CRIPT: variants seen among roughly 807,000 people sequenced by gnomAD.
The protein encoded by CRIPT is cysteine-rich PDZ-binding protein.
In CRIPT, 20 loss-of-function variants were observed where a neutral mutation model predicts 16.6. The observed-to-expected ratio is 1.20, with a 90% CI of 0.85 to 1.75. CRIPT has a LOEUF of 1.75. CRIPT is among the 40% of genes most tolerant of loss of function. The pLI is 0.00. For synonymous variants in CRIPT, 42 were observed against 37.0 expected (o/e 1.14, Z -0.49); for missense variants, 133 against 115.3 (o/e 1.15, Z -0.70).
At position 46,629,499 on chromosome 2, in the gene CRIPT, C is replaced by G. The variant is rs1204365844; in HGVS notation, c.*5272C>G. The stretch of plus-strand genomic sequence containing the variant: ...GATCATATGTTGTATTGCCATAACC[C>G]TCTAATCTGGAGCAGTTCCTCAGCT... On this transcript the variant is annotated 3_prime_UTR_variant, in exon 5 of 5. Coordinates refer to ENST00000238892, the MANE Select transcript of CRIPT (RefSeq NM_014171.6). 6.6e-6 allele frequency among the ~76,000 whole-genome samples: 1 copy of G among 152,154 alleles called. No homozygotes were observed. Among genetic ancestry groups the G allele is most frequent in the Non-Finnish European group, 1.5e-5 (1 of 68,034 alleles).
chr2:46,621,688 A>G (rs1183628981), intron 3 of CRIPT, among the ~76,000 whole-genome samples: 2 of 152,206 alleles, frequency 1.3e-5, no homozygotes, highest in Non-Finnish European at 2.9e-5. Flanking sequence ...CACTCAGTAT[A>G]TATTTGCTGA....
chr2:46,627,725 A>G lies in CRIPT; in HGVS notation c.*3498A>G, dbSNP rs1161051899. Among the ~76,000 whole-genome samples, 1 of 151,988 alleles carries G rather than the reference A, an allele frequency of 6.6e-6. No homozygotes were observed. The highest frequency in any genetic ancestry group is 1.5e-5 in the Non-Finnish European group (1 of 67,964). Reference sequence around the variant, plus strand: ...CTCCCAAAGTGCTGGGATTACAGGCATGAGCCACTGCACCCGGCCCCTTAT... The same window carrying G: ...CTCCCAAAGTGCTGGGATTACAGGCGTGAGCCACTGCACCCGGCCCCTTAT... On this transcript the variant is annotated 3_prime_UTR_variant, in exon 5 of 5. Transcript: ENST00000238892.
At position 46,623,831 on chromosome 2, in the gene CRIPT, G is replaced by C. The variant is rs1203638680; in HGVS notation, c.205G>C (p.Gly69Arg). 6.2e-7 allele frequency: 1 copy of C among 1,610,256 alleles called. No homozygotes were observed. The highest frequency in any genetic ancestry group is 8.5e-7 in the Non-Finnish European group (1 of 1,177,872). Residue 69 changes from glycine (G) to arginine (R), a missense_variant, in exon 4 of 5, where the codon GGT becomes CGT. Transcript: ENST00000238892. ...RICKSSVHQP[G>R]SHYCQGCAYK... is the part of the protein sequence containing the mutation. ...TTGTAAAAGTTCTGTGCACCAACCA[G>C]GTTCTCATTACTGCCAGGGCTGTGC...
Position 46,625,995 on chromosome 2 carries a change from T to C in CRIPT, c.*1768T>C, listed in dbSNP as rs1382773446. ...TAGGGGTACATGTGCAGGTGAGTTA[T>C]ATGGGTATATTTTGTGATGCTGAGG... On this transcript the variant is annotated 3_prime_UTR_variant, in exon 5 of 5. Coordinates refer to ENST00000238892, the MANE Select transcript of CRIPT (RefSeq NM_014171.6). Among the ~76,000 whole-genome samples the C allele has an allele frequency of 2.6e-5, 4 of 152,178 alleles. No homozygotes were observed. The highest frequency in any genetic ancestry group is 9.7e-5 in the African/African-American group (4 of 41,424).
At chr2:46,617,661 G>A (rs1358677298) in intron 1 of CRIPT, among the ~76,000 whole-genome samples, 2 of 152,068 alleles carry the variant, frequency 1.3e-5, no homozygotes, top group Admixed American at 1.3e-4. Context: ...TTGTTCTCCT[G>A]CCAAATGCTA....
Position 46,623,887 on chromosome 2 carries a change from G to T in CRIPT, c.241+20G>T, listed in dbSNP as rs80325258. The stretch of plus-strand genomic sequence containing the variant: ...AAAAAGGTAAGTTTCTTTTAATACC[G>T]TTTTCTATTCATAAAACCGACTTCA... On this transcript the variant is annotated intron_variant, in intron 4 of 4. Transcript: ENST00000238892. 4.0e-6 allele frequency: 6 copies of T among 1,512,876 alleles called. No homozygotes were observed. The highest frequency in any genetic ancestry group is 5.4e-6 in the Non-Finnish European group (6 of 1,102,146). 93.7% of individuals were successfully genotyped at this position (1,512,876 alleles called of 1,614,324 possible).
rs999444806 is a variant in CRIPT at position 46,629,300 on chromosome 2, T to C, written c.*5073T>C. On this transcript the variant is annotated 3_prime_UTR_variant, in exon 5 of 5. Transcript: ENST00000238892. The stretch of plus-strand genomic sequence containing the variant: ...ATTAGAAAGTATATTGTAGACATCA[T>C]ACTCTTTACCCTTTAACACTACACA... Among the ~76,000 whole-genome samples the C allele has an allele frequency of 4.6e-5, 7 of 152,192 alleles. No homozygotes were observed. The highest frequency in any genetic ancestry group is 1.7e-4 in the African/African-American group (7 of 41,454).
Position 46,626,981 on chromosome 2 carries a change from TGCCACCAA to T in CRIPT, c.*2757_*2764del, listed in dbSNP as rs1490719844. Among the ~76,000 whole-genome samples the T allele has an allele frequency of 6.6e-6, 1 of 152,006 alleles. No individual in the cohort carries two copies. Among genetic ancestry groups the T allele is most frequent in the Non-Finnish European group, 1.5e-5 (1 of 67,998 alleles). ...CTGAGTTGCTGGGATTACAGGTGCC[TGCCACCAA>T]GCGTGGCTAATTTTGGTACTTTTAG... is the stretch of plus-strand genomic sequence containing the variant. On this transcript the variant is annotated 3_prime_UTR_variant, in exon 5 of 5. Coordinates refer to ENST00000238892, the MANE Select transcript of CRIPT (RefSeq NM_014171.6).
chr2:46,617,228 T>G lies in CRIPT; in HGVS notation c.-55T>G, dbSNP rs1670678368. On this transcript the variant is annotated 5_prime_UTR_variant, in exon 1 of 5. Coordinates refer to ENST00000238892, the MANE Select transcript of CRIPT (RefSeq NM_014171.6). Reference sequence around the variant, plus strand: ...TACTTCCAAGTTGTAGTGTTGTTGTTTTCAGCCTGCTGCTGCTGCTGCTGT... The same window carrying G: ...TACTTCCAAGTTGTAGTGTTGTTGTGTTCAGCCTGCTGCTGCTGCTGCTGT... 7 of 1,551,408 alleles carry G rather than the reference T, an allele frequency of 4.5e-6. No homozygotes were observed. Among genetic ancestry groups the G allele is most frequent in the Admixed American group, 2.0e-5 (1 of 50,990 alleles).
At position 46,623,432 on chromosome 2, in the gene CRIPT, G is replaced by A. The variant is rs17819022; in HGVS notation, c.138-332G>A. Among the ~76,000 whole-genome samples, 36,102 of 152,084 alleles carry A rather than the reference G, an allele frequency of 0.24. 5,248 individuals are homozygous for A. Among genetic ancestry groups the A allele is most frequent in the Admixed American group, 0.33 (4,992 of 15,276 alleles). Reference sequence around the variant, plus strand: ...CTAAAATAGTCACTTAGGTTATATGGAATCAGTCACTCTTTTTGCACCCAC... The same window carrying A: ...CTAAAATAGTCACTTAGGTTATATGAAATCAGTCACTCTTTTTGCACCCAC... On this transcript the variant is annotated intron_variant, in intron 3 of 4. Coordinates refer to ENST00000238892, the MANE Select transcript of CRIPT (RefSeq NM_014171.6).
chr2:46,624,089 T>A, intron 4 of CRIPT, 74 bp from the exon 5 acceptor site: 1 of 922,258 alleles, frequency 1.1e-6, no homozygotes, highest in East Asian at 2.9e-5. Context: ...AATTATGTTT[T>A]AAGCTTCAGG....
chr2:46,618,152 G>T (rs1670712023), intron 1 of CRIPT, among the ~76,000 whole-genome samples: 1 of 151,134 alleles, frequency 6.6e-6, no homozygotes, highest in African/African-American at 2.4e-5. Context: ...ATTTCTTCCT[G>T]CATGGAATTT....
Position 46,627,635 on chromosome 2 carries a change from G to C in CRIPT, c.*3408G>C, listed in dbSNP as rs986446796. ...AATTTTTCTATTTTTAGTAGGAATG[G>C]GGTTTTACCATGTTGGCCAGGCTGG... On this transcript the variant is annotated 3_prime_UTR_variant, in exon 5 of 5. Transcript: ENST00000238892. Among the ~76,000 whole-genome samples the C allele has an allele frequency of 6.6e-6, 1 of 151,928 alleles. No homozygotes were observed.
rs117085106 is a variant in CRIPT, at chr2:46,628,132, C to G, written c.*3905C>G. Among the ~76,000 whole-genome samples, 1 of 138,222 alleles carries G rather than the reference C, an allele frequency of 7.2e-6. No individual in the cohort carries two copies. The allele number at this position is 138,222 out of a possible 152,430, so 90.7% of individuals were successfully genotyped here. A position where few individuals can be genotyped will look rare whatever the true frequency, so the allele number is the denominator to read the frequency against. On this transcript the variant is annotated 3_prime_UTR_variant, in exon 5 of 5. Coordinates refer to ENST00000238892, the MANE Select transcript of CRIPT (RefSeq NM_014171.6). Reference sequence around the variant, plus strand: ...TTTTTCTTTTTTTTTTTTTTTGAGACGGAGTCTTGCTGTGTCTCCCAGGCT... The same window carrying G: ...TTTTTCTTTTTTTTTTTTTTTGAGAGGGAGTCTTGCTGTGTCTCCCAGGCT...
intron 1 of CRIPT, 111 bp downstream of exon 1, chr2:46,617,409 C>T: frequency 8.2e-7 from 1 of 1,224,000 alleles, no homozygotes; most frequent in Non-Finnish European, 1.1e-6. Flanking sequence ...GTCTCAGATT[C>T]TATCCGCTGT....
In CRIPT at chr2:46,618,798, C is replaced by T. The variant is rs149286673; in HGVS notation, c.42C>T (p.Ile14=). ...GTGAAAAGAAACTTGGTACTGTTATCACTCCAGATACATGGAAAGATGGTG... is the reference window on the plus strand; with the variant it reads ...GTGAAAAGAAACTTGGTACTGTTATTACTCCAGATACATGGAAAGATGGTG... ...EKCEKKLGTV[I]TPDTWKDGAR... Residue 14 remains isoleucine, a synonymous_variant, in exon 2 of 5, where the codon ATC becomes ATT. Transcript: ENST00000238892. 1.9e-6 allele frequency: 3 copies of T among 1,606,574 alleles called. No individual in the cohort carries two copies. The highest frequency in any genetic ancestry group is 2.7e-5 in the African/African-American group (2 of 74,722).
At chr2:46,620,520 CAA>C (rs1199328612) in intron 3 of CRIPT, among the ~76,000 whole-genome samples, 5 of 151,774 alleles carry the variant, frequency 3.3e-5, no homozygotes, top group African/African-American at 4.8e-5. Flanking sequence ...AGAAGTTTTC[CAA>C]AGTCTTACCT....
rs1670925293 is a variant in CRIPT, at chr2:46,625,846, G to C, written c.*1619G>C. The C allele has an allele frequency of 1.3e-5, 2 of 152,064 alleles. No individual in the cohort carries two copies. The highest frequency in any genetic ancestry group is 6.5e-5 in the Admixed American group (1 of 15,268). 9.4% of individuals were successfully genotyped at this position (152,064 alleles called of 1,614,324 possible). Reference sequence around the variant, plus strand: ...AGCATCCCAGATCCATTAAAGATTGGATTCATTGACTTGGAGAAAAGTACA... The same window carrying C: ...AGCATCCCAGATCCATTAAAGATTGCATTCATTGACTTGGAGAAAAGTACA... On this transcript the variant is annotated 3_prime_UTR_variant, in exon 5 of 5. Transcript: ENST00000238892.
chr2:46,623,223 T>C (rs1670853279), intron 3 of CRIPT, among the ~76,000 whole-genome samples: 1 of 152,338 alleles, frequency 6.6e-6, no homozygotes, highest in African/African-American at 2.4e-5. Context: ...ATAAATCGAC[T>C]GATAAGTGCT....
Sources: gnomAD v4.1 joint callset for allele counts (sites outside exome capture counted in the v4.1 genomes callset) on GRCh38, gnomAD v4.1.1 for gene constraint, MANE v1.5 for transcripts, NCBI Gene and HGNC (gene_info 2026-07-23, HGNC 2026-07-21) for gene names.